Variants in HFM1 observed in about 807,000 individuals in gnomAD.
The protein encoded by HFM1 is probable ATP-dependent DNA helicase HFM1.
Under a neutral mutation model 192.1 loss-of-function variants are expected in HFM1, and 169 were observed. That is an observed-to-expected ratio of 0.88 (90% CI 0.78 to 1.00). HFM1 has a LOEUF of 1.00. Among genes scored for constraint, HFM1 ranks in the 50% least tolerant of loss-of-function variants. HFM1 has a pLI of 0.00. For missense variants in HFM1, 1,661 were observed against 1,668.0 expected (o/e 1.00, Z 0.07); for synonymous variants, 525 against 537.8 (o/e 0.98, Z 0.33).
intron 1 of HFM1, among the ~76,000 whole-genome samples, chr1:91,403,386 A>T (rs907027717): frequency 5.3e-5 from 8 of 152,070 alleles, no homozygotes; most frequent in African/African-American, 1.9e-4. Context: ...AAAATGTGAA[A>T]TTTTTTTCTA....
Position 91,303,284 on chromosome 1 carries a change from T to C in HFM1, c.3391+10065A>G, listed in dbSNP as rs572909162. Among the ~76,000 whole-genome samples, 4 of 152,346 alleles carry C rather than the reference T, an allele frequency of 2.6e-5. No homozygotes were observed. The East Asian group carries it at 7.7e-4, about 29-fold the overall frequency. On this transcript the variant is annotated intron_variant, in intron 30 of 38. Coordinates refer to ENST00000370425, the MANE Select transcript of HFM1 (RefSeq NM_001017975.6). ...AATTGAACCATACAATATCTGGTCT[T>C]CTGTGACTAGCTTCTATCTAGCATG...
chr1:91,391,899 G>GA (rs1188809051), intron 4 of HFM1, among the ~76,000 whole-genome samples: 11 of 149,018 alleles, frequency 7.4e-5, no homozygotes, highest in Admixed American at 3.4e-4. Context: ...AAATTTACAA[G>GA]AAAAAAATCA....
rs528800297 is a variant in HFM1, at chr1:91,287,089, T to G, written c.3392-10027A>C. ...GGCGGCAGCGAGGCTGGGGGAGGGG[T>G]GCCCGCCACTGCCCAGGATTGCTTA... On this transcript the variant is annotated intron_variant, in intron 30 of 38. Transcript: ENST00000370425. 6.6e-5 allele frequency among the ~76,000 whole-genome samples: 10 copies of G among 151,484 alleles called. No individual in the cohort carries two copies. The South Asian group carries it at 1.9e-3, about 29-fold the overall frequency.
intron 30 of HFM1, among the ~76,000 whole-genome samples, chr1:91,290,057 C>T (rs1020896025): frequency 6.6e-6 from 1 of 152,062 alleles, no homozygotes; most frequent in Non-Finnish European, 1.5e-5. Flanking sequence ...AAGTGCTAAA[C>T]ATGGAAAGGA....
chr1:91,268,841 T>C (rs1445215269), intron 34 of HFM1, among the ~76,000 whole-genome samples: 1 of 152,114 alleles, frequency 6.6e-6, no homozygotes, highest in Non-Finnish European at 1.5e-5. Flanking sequence ...TGAATGTTGT[T>C]TGATATTTTT....
intron 4 of HFM1, among the ~76,000 whole-genome samples, chr1:91,391,981 C>A (rs868154487): frequency 6.6e-5 from 10 of 152,108 alleles, no homozygotes; most frequent in African/African-American, 1.9e-4. Context: ...ATGCAGCCAA[C>A]AGACACATGA....
chr1:91,365,361 G>A (rs1415632783), intron 13 of HFM1, among the ~76,000 whole-genome samples: 1 of 151,882 alleles, frequency 6.6e-6, no homozygotes, highest in Non-Finnish European at 1.5e-5. Context: ...AGATTTAGCT[G>A]CTCTTGTCAA....
chr1:91,326,322 C>G (rs970331945), intron 20 of HFM1, among the ~76,000 whole-genome samples: 1 of 152,124 alleles, frequency 6.6e-6, no homozygotes, highest in African/African-American at 2.4e-5. Context: ...ATTTAATAAT[C>G]AAACTCCCAA....
intron 18 of HFM1, among the ~76,000 whole-genome samples, chr1:91,350,199 C>T (rs1442892226): frequency 6.6e-6 from 1 of 152,024 alleles, no homozygotes; most frequent in African/African-American, 2.4e-5. Flanking sequence ...TAGAATGATA[C>T]TTCAACAAGT....
rs764151027 is a variant in HFM1, at chr1:91,316,526, A to C, written c.2813-50T>G. On this transcript the variant is annotated intron_variant, in intron 25 of 38. Coordinates refer to ENST00000370425, the MANE Select transcript of HFM1 (RefSeq NM_001017975.6). Reference sequence around the variant, plus strand: ...ACTTAAAAATAATGCACTTTAAATAAAACATATATTTAAATATTTAACAAC... The same window carrying C: ...ACTTAAAAATAATGCACTTTAAATACAACATATATTTAAATATTTAACAAC... The C allele has an allele frequency of 5.0e-6, 4 of 797,730 alleles. No individual in the cohort carries two copies. The African/African-American group carries it at 5.4e-5, about 11-fold the overall frequency. 49.4% of individuals were successfully genotyped at this position (797,730 alleles called of 1,614,324 possible). A position where few individuals can be genotyped will look rare whatever the true frequency, so the allele number is the denominator to read the frequency against.
intron 4 of HFM1, among the ~76,000 whole-genome samples, chr1:91,393,285 A>G (rs1306340219): frequency 6.6e-6 from 1 of 152,054 alleles, no homozygotes; most frequent in Non-Finnish European, 1.5e-5. Context: ...TTCTCTCTCA[A>G]ACTCCACAGA....
intron 30 of HFM1, among the ~76,000 whole-genome samples, chr1:91,303,690 G>T (rs1649179975): frequency 6.6e-6 from 1 of 152,106 alleles, no homozygotes; most frequent in Non-Finnish European, 1.5e-5. Context: ...CCATCATTTT[G>T]ACTAAAGCCA....
chr1:91,310,717 AT>A (rs1650322797), intron 30 of HFM1, among the ~76,000 whole-genome samples: 2 of 152,186 alleles, frequency 1.3e-5, no homozygotes, highest in Non-Finnish European at 2.9e-5. Flanking sequence ...TGATGGGTTT[AT>A]CAAGGGTTTC....
intron 30 of HFM1, among the ~76,000 whole-genome samples, chr1:91,295,979 G>A (rs1164623402): frequency 1.3e-5 from 2 of 151,940 alleles, no homozygotes; most frequent in East Asian, 1.9e-4. Context: ...CACCCAGGCT[G>A]GAGTGCAGTG....
In HFM1 at chr1:91,277,012, T is replaced by C. The variant is rs1180687810; in HGVS notation, c.3442A>G (p.Lys1148Glu). 6.3e-7 allele frequency: 1 copy of C among 1,599,268 alleles called. No individual in the cohort carries two copies. The highest frequency in any genetic ancestry group is 1.7e-5 in the Admixed American group (1 of 58,002). The change falls in exon 31 of 39, where the codon AAA becomes GAA. Residue 1148 changes from lysine to glutamate, a missense_variant. Transcript: ENST00000370425. The part of the protein sequence containing the change: ...PGNRECNHLC[K>E]SKHTCGHDCC... ...TCATGTCCACATGTATGTTTACTTT[T>C]ACAAAGATGATTGCATTCTCGGTTC...
At chr1:91,349,970 G>A (rs917266908) in intron 18 of HFM1, among the ~76,000 whole-genome samples, 4 of 152,158 alleles carry the variant, frequency 2.6e-5, no homozygotes, top group African/African-American at 9.7e-5. Context: ...GGGAAGGAAA[G>A]GCAAGAGATA....
At chr1:91,369,204 A>G (rs1170414136) in intron 13 of HFM1, among the ~76,000 whole-genome samples, 1 of 152,188 alleles carries the variant, frequency 6.6e-6, no homozygotes, top group Non-Finnish European at 1.5e-5. Flanking sequence ...ACAGAACATT[A>G]ACAAGGATAT....
chr1:91,407,460 C>A (rs781039514), upstream of HFM1, among the ~76,000 whole-genome samples: 1 of 152,016 alleles, frequency 6.6e-6, no homozygotes, highest in Non-Finnish European at 1.5e-5. Flanking sequence ...ATGAGTTTAC[C>A]TATCCTAAGT....
chr1:91,373,205 A>G lies in HFM1; in HGVS notation c.1685+2153T>C, dbSNP rs375024780. On this transcript the variant is annotated intron_variant, in intron 13 of 38. Transcript: ENST00000370425. ...ATTGGCTCCTCTAGGCTTGCTACAT[A>G]TCTTTGGTTGACAAGCAACCAGAGG... 6.6e-5 allele frequency among the ~76,000 whole-genome samples: 10 copies of G among 152,110 alleles called. No individual in the cohort carries two copies. In the South Asian group the frequency reaches 1.9e-3, roughly 28 times the overall value.
Sources: gnomAD v4.1 joint callset for allele counts (sites outside exome capture counted in the v4.1 genomes callset) on GRCh38, gnomAD v4.1.1 for gene constraint, MANE v1.5 for transcripts, NCBI Gene and HGNC (gene_info 2026-07-23, HGNC 2026-07-21) for gene names.